TSHR: variants seen among roughly 807,000 people sequenced by gnomAD.
TSHR encodes thyroid stimulating hormone receptor, also known as thyrotropin receptor.
In TSHR, 51 loss-of-function variants were observed where a neutral mutation model predicts 64.1. The ratio of observed to expected loss-of-function variants is 0.80; its 90% CI spans 0.64 to 1.01. TSHR has a LOEUF of 1.01. Among genes scored for constraint, TSHR ranks in the 50% least tolerant of loss-of-function variants. The pLI, the probability that TSHR is intolerant of heterozygous loss-of-function variation, is 0.00. For synonymous variants in TSHR, 361 were observed against 361.9 expected (o/e 1.00, Z 0.03); for missense variants, 877 against 942.8 (o/e 0.93, Z 0.91).
chr14:81,080,098 G>A lies in TSHR; in HGVS notation c.318-7856G>A, dbSNP rs376720011. The stretch of plus-strand genomic sequence containing the variant: ...CTCCCAAGTAGCTAGGACTACAGGC[G>A]TGTGCCACCATGCCCAGCTAATTTT... On this transcript the variant is annotated intron_variant, in intron 3 of 9. Coordinates refer to ENST00000298171, the MANE Select transcript of TSHR (RefSeq NM_000369.5). Among the ~76,000 whole-genome samples, 114 of 152,100 alleles carry A rather than the reference G, an allele frequency of 7.5e-4. 1 individual carries two copies. The highest frequency in any genetic ancestry group is 2.1e-3 in the East Asian group (11 of 5,150).
intron 3 of TSHR, 35 bp downstream of exon 3, chr14:81,068,363 C>T (rs2139910737): frequency 1.3e-6 from 2 of 1,596,020 alleles, no homozygotes; most frequent in South Asian, 1.1e-5. Flanking sequence ...TAGACCTAAG[C>T]CACAACCACT....
At chr14:81,133,926 A>T (rs983296910) in intron 8 of TSHR, among the ~76,000 whole-genome samples, 9 of 152,168 alleles carry the variant, frequency 5.9e-5, no homozygotes, top group African/African-American at 2.2e-4. Flanking sequence ...TAATAAAAAT[A>T]ATAGCTAATA....
intron 1 of TSHR, among the ~76,000 whole-genome samples, chr14:80,973,218 AC>A (rs1217432634): frequency 1.3e-5 from 2 of 151,914 alleles, no homozygotes; most frequent in Non-Finnish European, 2.9e-5. Context: ...ATCCTGGCTA[AC>A]ACAGTGAAAC....
At position 81,126,963 on chromosome 14, in the gene TSHR, A is replaced by C. The variant is rs2140077596; in HGVS notation, c.693-12716A>C. Among the ~76,000 whole-genome samples the C allele has an allele frequency of 2.0e-5, 3 of 152,376 alleles. No homozygotes were observed. The Middle Eastern group carries it at 0.01, about 518-fold the overall frequency. On this transcript the variant is annotated intron_variant, in intron 8 of 9. Coordinates refer to ENST00000298171, the MANE Select transcript of TSHR (RefSeq NM_000369.5). Reference sequence around the variant, plus strand: ...AAGTCTCAATTATCTGTATAATGAAAGAAGAGAAACAAGACTGCATAGGAC... The same window carrying C: ...AAGTCTCAATTATCTGTATAATGAACGAAGAGAAACAAGACTGCATAGGAC...
At chr14:81,104,855 A>G (rs1806783584) in intron 7 of TSHR, 50 of 985,374 alleles carry the variant, frequency 5.1e-5, no homozygotes, top group Non-Finnish European at 5.9e-5. Context: ...ACAGGTTCTC[A>G]AAGAGGAATA....
In TSHR at chr14:80,955,667, G is replaced by T. The variant is rs1284613177; in HGVS notation, c.-14G>T. Reference sequence around the variant, plus strand: ...TTTCGGAGGATGGAGAAATAGCCCCGAGTCCCGTGGAAAATGAGGCCGGCG... The same window carrying T: ...TTTCGGAGGATGGAGAAATAGCCCCTAGTCCCGTGGAAAATGAGGCCGGCG... On this transcript the variant is annotated 5_prime_UTR_variant, in exon 1 of 10. Coordinates refer to ENST00000298171, the MANE Select transcript of TSHR (RefSeq NM_000369.5). 6.2e-7 allele frequency: 1 copy of T among 1,613,606 alleles called. No individual in the cohort carries two copies. The highest frequency in any genetic ancestry group is 8.5e-7 in the Non-Finnish European group (1 of 1,179,916).
At chr14:80,972,418 T>G (rs1343617781) in intron 1 of TSHR, among the ~76,000 whole-genome samples, 2 of 152,180 alleles carry the variant, frequency 1.3e-5, no homozygotes, top group African/African-American at 4.8e-5. Flanking sequence ...CTCATTTAGA[T>G]GCAAAACTGA....
Position 81,037,448 on chromosome 14 carries a change from A to AAAAAAAAAAAAAAAAAAAAAAAAAAAAAC in TSHR, c.171-24698_171-24697insAAAAAAAAAAAAAAAAAAAAAAAAAACAA, listed in dbSNP as rs1273226258. 7.0e-5 allele frequency among the ~76,000 whole-genome samples: 9 copies of AAAAAAAAAAAAAAAAAAAAAAAAAAAAAC among 128,440 alleles called. 1 individual carries two copies. The highest frequency in any genetic ancestry group is 1.5e-4 in the Admixed American group (2 of 13,320). 84.3% of individuals were successfully genotyped at this position (128,440 alleles called of 152,430 possible). On this transcript the variant is annotated intron_variant, in intron 1 of 9. Transcript: ENST00000298171. ...ACAAACAAACAAACAAACAAACAAA[A>AAAAAAAAAAAAAAAAAAAAAAAAAAAAAC]AACAGAAAATGATCTAACAAAATGT... is the stretch of plus-strand genomic sequence containing the variant.
At chr14:81,037,734 CAAA>C (rs142987294) in intron 1 of TSHR, among the ~76,000 whole-genome samples, 36,930 of 151,570 alleles carry the variant, frequency 0.24, 4,598 homozygotes, top group South Asian at 0.33. Flanking sequence ...AAAGGGGAGA[CAAA>C]GAAGGTAAAT....
chr14:80,993,962 T>A (rs1247676044), intron 1 of TSHR: 3 of 152,154 alleles, frequency 2.0e-5, no homozygotes, highest in African/African-American at 7.2e-5. Context: ...AAAGTAACAC[T>A]GAGTATGCTG....
intron 3 of TSHR, among the ~76,000 whole-genome samples, chr14:81,080,559 C>T (rs1318791535): frequency 6.6e-6 from 1 of 151,500 alleles, no homozygotes; most frequent in Admixed American, 6.6e-5. Flanking sequence ...TACTTATAAA[C>T]TCTCCTCAAT....
chr14:81,085,431 GTC>G (rs1269092153), intron 3 of TSHR, among the ~76,000 whole-genome samples: 1 of 152,140 alleles, frequency 6.6e-6, no homozygotes, highest in African/African-American at 2.4e-5. Flanking sequence ...TTCTTGTGGG[GTC>G]TCTCATTCAT....
At chr14:80,978,129 A>ATG (rs1566745472) in intron 1 of TSHR, among the ~76,000 whole-genome samples, 1 of 141,212 alleles carries the variant, frequency 7.1e-6, no homozygotes, top group East Asian at 2.1e-4. Flanking sequence ...ACACACACAC[A>ATG]CATGCATGTG....
intron 1 of TSHR, among the ~76,000 whole-genome samples, chr14:80,976,827 A>G (rs539350995): frequency 1.3e-5 from 2 of 152,362 alleles, no homozygotes; most frequent in South Asian, 4.1e-4. Flanking sequence ...TCAGCGAATC[A>G]TTGAATGTGA....
At chr14:81,120,925 C>T (rs1890762979) in intron 8 of TSHR, among the ~76,000 whole-genome samples, 1 of 151,038 alleles carries the variant, frequency 6.6e-6, no homozygotes, top group Non-Finnish European at 1.5e-5. Context: ...AACATGAAAG[C>T]CAAAACCAAA....
At chr14:81,032,863 A>T in intron 1 of TSHR, 1 of 370,780 alleles carries the variant, frequency 2.7e-6, no homozygotes, top group Non-Finnish European at 5.2e-6. Flanking sequence ...AGTGACTGTG[A>T]TCAACAGCAG....
chr14:81,092,801 C>T (rs568375010), intron 6 of TSHR, among the ~76,000 whole-genome samples, 193 bp downstream of exon 6: 35 of 152,238 alleles, frequency 2.3e-4, no homozygotes, highest in Non-Finnish European at 4.0e-4. Context: ...GTTTAGGTAA[C>T]AAGACAAGAG....
chr14:80,975,868 C>T (rs1887839908), intron 1 of TSHR, among the ~76,000 whole-genome samples: 1 of 151,644 alleles, frequency 6.6e-6, no homozygotes, highest in Non-Finnish European at 1.5e-5. Flanking sequence ...GGATACTGAG[C>T]TGGTTAGGTG....
At chr14:81,123,683 C>A (rs1890899933) in intron 8 of TSHR, among the ~76,000 whole-genome samples, 1 of 152,208 alleles carries the variant, frequency 6.6e-6, no homozygotes, top group East Asian at 1.9e-4. Flanking sequence ...TCAAACTTAC[C>A]CACTTAATCA....
Sources: gnomAD v4.1 joint callset for allele counts (sites outside exome capture counted in the v4.1 genomes callset) on GRCh38, gnomAD v4.1.1 for gene constraint, MANE v1.5 for transcripts, NCBI Gene and HGNC (gene_info 2026-07-23, HGNC 2026-07-21) for gene names.